RALGAPA1: variants seen among roughly 807,000 people sequenced by gnomAD.
RALGAPA1 encodes the protein Ral GTPase activating protein catalytic subunit alpha 1.
RALGAPA1 carries 52 observed loss-of-function variants against 269.6 expected under a neutral mutation model. The ratio of observed to expected loss-of-function variants is 0.19; its 90% CI spans 0.15 to 0.24. The LOEUF (loss-of-function observed/expected upper bound fraction) is 0.24, where lower values mean the gene tolerates loss of function less well. Among genes scored for constraint, RALGAPA1 ranks in the 10% least tolerant of loss-of-function variants. RALGAPA1 has a pLI of 1.00. For missense variants in RALGAPA1, 1,917 were observed against 3,013.9 expected (o/e 0.64, Z 8.52); for synonymous variants, 817 against 1,008.3 (o/e 0.81, Z 3.60).
intron 4 of RALGAPA1, among the ~76,000 whole-genome samples, chr14:35,768,995 C>G (rs1375278689): frequency 1.3e-5 from 1 of 75,948 alleles, no homozygotes; most frequent in Non-Finnish European, 2.3e-5. Flanking sequence ...GCAACAAGGG[C>G]GAAACTCCGT....
intron 32 of RALGAPA1, 34 bp from the exon 33 acceptor site, chr14:35,634,791 T>TA: frequency 2.0e-6 from 3 of 1,504,204 alleles, no homozygotes; most frequent in African/African-American, 1.4e-5. Flanking sequence ...CAGTTTTACT[T>TA]AAAAAATAAA....
At chr14:35,738,406 T>C (rs1014407011) in intron 12 of RALGAPA1, 107 bp downstream of exon 12, 7 of 659,634 alleles carry the variant, frequency 1.1e-5, no homozygotes, top group African/African-American at 5.6e-5. Context: ...ATGATAAATA[T>C]AGGTGGTGAA....
In RALGAPA1 at chr14:35,655,758, T is replaced by A. The variant is rs765302281; in HGVS notation, c.5496+49A>T. On this transcript the variant is annotated intron_variant, in intron 29 of 41. Transcript: ENST00000680220. ...TACCATTAATATTTGGAGAAAAAAA[T>A]ATGCATTCTCTCCTATCTTAATATA... The A allele has an allele frequency of 9.6e-6, 15 of 1,569,740 alleles. No homozygotes were observed. In the Admixed American group the frequency reaches 2.8e-4, roughly 30 times the overall value.
At chr14:35,807,802 C>G (rs2077478942) in intron 1 of RALGAPA1, 1 of 152,166 alleles carries the variant, frequency 6.6e-6, no homozygotes, top group Admixed American at 6.5e-5. Context: ...CTTTCCAAAA[C>G]AAATACGCAT....
At chr14:35,700,033 A>G in intron 17 of RALGAPA1, 129 bp downstream of exon 17, 1 of 739,386 alleles carries the variant, frequency 1.4e-6, no homozygotes, top group South Asian at 2.4e-5. Flanking sequence ...TTTCTCAATC[A>G]CTTTCCCACT....
At chr14:35,650,610 G>A (rs34723017) in intron 31 of RALGAPA1, among the ~76,000 whole-genome samples, 2,037 of 152,098 alleles carry the variant, frequency 0.013, 12 homozygotes, top group Middle Eastern at 0.037. Flanking sequence ...AACTATGAAA[G>A]CCTCATGTAT....
intron 41 of RALGAPA1, among the ~76,000 whole-genome samples, chr14:35,545,270 A>G (rs961346445): frequency 6.6e-6 from 1 of 152,122 alleles, no homozygotes; most frequent in Non-Finnish European, 1.5e-5. Context: ...AATTTTGATG[A>G]TCCATCCCAC....
intron 1 of RALGAPA1, among the ~76,000 whole-genome samples, chr14:35,807,349 A>C (rs1338745868): frequency 6.6e-6 from 1 of 152,200 alleles, no homozygotes; most frequent in Non-Finnish European, 1.5e-5. Context: ...CACAATCTCC[A>C]CTATATTTAG....
Position 35,539,404 on chromosome 14 carries a change from T to A in RALGAPA1, c.*310A>T. On this transcript the variant is annotated 3_prime_UTR_variant, in exon 42 of 42. Transcript: ENST00000680220. ...TATTAAGCTACAAATTATTTAAAAT[T>A]ATTTAAATCCAGTGTTTTCTCAAAT... 1 of 676,420 alleles carries A rather than the reference T, an allele frequency of 1.5e-6. No homozygotes were observed. The highest frequency in any genetic ancestry group is 1.8e-5 in the African/African-American group (1 of 54,320). 41.9% of individuals were successfully genotyped at this position (676,420 alleles called of 1,614,324 possible).
rs143168463 is a variant in RALGAPA1 at position 35,760,422 on chromosome 14, T to C, written c.547+407A>G. Among the ~76,000 whole-genome samples, 498 of 152,304 alleles carry C rather than the reference T, an allele frequency of 3.3e-3. 4 individuals carry two copies. The highest frequency in any genetic ancestry group is 0.011 in the African/African-American group (471 of 41,570). On this transcript the variant is annotated intron_variant, in intron 6 of 41. Coordinates refer to ENST00000680220, the MANE Select transcript of RALGAPA1 (RefSeq NM_001346249.2). ...ACAAAGGGGCTGGGTACCAGACAACTAGGGACAACTCTTAACAATCTACAG... is the reference window on the plus strand; with the variant it reads ...ACAAAGGGGCTGGGTACCAGACAACCAGGGACAACTCTTAACAATCTACAG...
chr14:35,550,607 GA>G (rs1438720779), intron 39 of RALGAPA1, among the ~76,000 whole-genome samples: 5 of 150,808 alleles, frequency 3.3e-5, no homozygotes, highest in Admixed American at 2.0e-4. Context: ...AGTAAGAAGA[GA>G]AAAAAAAAGT....
At chr14:35,770,088 A>G (rs535337575) in intron 4 of RALGAPA1, among the ~76,000 whole-genome samples, 15 of 152,322 alleles carry the variant, frequency 9.8e-5, no homozygotes, top group East Asian at 5.8e-4. Context: ...TACCTCAGGT[A>G]TGGAAAGTTG....
At chr14:35,667,961 A>T (rs925305742) in intron 26 of RALGAPA1, among the ~76,000 whole-genome samples, 19 of 152,232 alleles carry the variant, frequency 1.2e-4, no homozygotes, top group Admixed American at 9.2e-4. Flanking sequence ...ACACAATGAA[A>T]CATTAGCCAT....
At chr14:35,752,358 A>C (rs957730894) in intron 7 of RALGAPA1, among the ~76,000 whole-genome samples, 196 bp from the exon 8 acceptor site, 1 of 152,226 alleles carries the variant, frequency 6.6e-6, no homozygotes, top group African/African-American at 2.4e-5. Flanking sequence ...TATGTTTAAA[A>C]AACCTTAGAA....
chr14:35,796,284 G>T (rs2076556487), intron 1 of RALGAPA1, among the ~76,000 whole-genome samples: 1 of 152,064 alleles, frequency 6.6e-6, no homozygotes, highest in Non-Finnish European at 1.5e-5. Context: ...TGTAGCAGAA[G>T]AAAAGATTAG....
chr14:35,560,146 C>T (rs1187289658), intron 39 of RALGAPA1, among the ~76,000 whole-genome samples: 1 of 152,196 alleles, frequency 6.6e-6, no homozygotes, highest in Non-Finnish European at 1.5e-5. Flanking sequence ...TTTCGCTAGT[C>T]AACGGGTAAA....
At chr14:35,650,224 A>G (rs1042319093) in intron 31 of RALGAPA1, among the ~76,000 whole-genome samples, 1 of 151,168 alleles carries the variant, frequency 6.6e-6, no homozygotes, top group Non-Finnish European at 1.5e-5. Context: ...CATCTCTACT[A>G]AAAATAAAAA....
intron 25 of RALGAPA1, among the ~76,000 whole-genome samples, chr14:35,671,907 CGT>C (rs1384715385): frequency 1.4e-4 from 21 of 152,130 alleles, no homozygotes; most frequent in African/African-American, 5.1e-4. Context: ...TGACCCGTTA[CGT>C]GACAATTGGA....
In RALGAPA1 at chr14:35,725,264, T is replaced by G. The variant is rs1272356519; in HGVS notation, c.1737-111A>C. 7 of 664,582 alleles carry G rather than the reference T, an allele frequency of 1.1e-5. No individual in the cohort carries two copies. In the East Asian group the frequency reaches 1.9e-4, roughly 18 times the overall value. The allele number at this position is 664,582 out of a possible 1,614,324, so 41.2% of individuals were successfully genotyped here. On this transcript the variant is annotated intron_variant, in intron 13 of 41. Transcript: ENST00000680220. Reference sequence around the variant, plus strand: ...TAAAAATTCAAATATTAAACATCTTTGAAAGACAATTTCAAATGTTTAGAG... The same window carrying G: ...TAAAAATTCAAATATTAAACATCTTGGAAAGACAATTTCAAATGTTTAGAG...
Sources: allele counts gnomAD v4.1 joint callset (sites outside exome capture counted in the v4.1 genomes callset), GRCh38; gene constraint gnomAD v4.1.1; transcripts MANE v1.5; gene names NCBI Gene and HGNC (gene_info 2026-07-23, HGNC 2026-07-21).